The following NDRG2 variants were observed in gnomAD, a reference collection of about 807,000 sequenced individuals.
NDRG2 encodes NDRG family member 2, also known as protein NDRG2.
NDRG2 carries 34 observed loss-of-function variants against 58.2 expected under a neutral mutation model. That is an observed-to-expected ratio of 0.58 (90% CI 0.44 to 0.78). NDRG2 has a LOEUF of 0.78. Ranked by LOEUF, NDRG2 falls within the 30% of genes least tolerant of loss-of-function variation. The pLI is 0.00. For missense variants in NDRG2, 434 were observed against 471.2 expected (o/e 0.92, Z 0.73); for synonymous variants, 187 against 175.9 (o/e 1.06, Z -0.50).
chr14:21,032,686 A>G (rs1884307495), intron 1 of NDRG2: 2 of 348,282 alleles, frequency 5.7e-6, no homozygotes, highest in South Asian at 4.4e-5. Flanking sequence ...CATGGGGCAC[A>G]TGGGACAGAA....
At chr14:21,025,902 G>A (rs1883544359), upstream of NDRG2, 2 of 188,464 alleles carry the variant, frequency 1.1e-5, no homozygotes, top group Non-Finnish European at 2.0e-5. This position sits in a 1 kb window ranked among gnomAD's most constrained non-coding sequence, Gnocchi z 5.1. Context: ...CTGACTCCTG[G>A]GTAAACAGGC....
At position 21,017,446 on chromosome 14, in the gene NDRG2, G is replaced by T; in HGVS notation, c.*150C>A. On this transcript the variant is annotated 3_prime_UTR_variant, in exon 16 of 16. Transcript: ENST00000556147. ...GGGGAATCACGGGTTAAAGGTCAAG[G>T]TTAGGGTAGCAATCAAAGATCAAGG... 2.3e-6 allele frequency: 2 copies of T among 879,466 alleles called. No homozygotes were observed. Among genetic ancestry groups the T allele is most frequent in the East Asian group, 5.3e-5 (2 of 37,442 alleles). The allele number at this position is 879,466 out of a possible 1,614,324, so 54.5% of individuals were successfully genotyped here.
rs775221691 is a variant in NDRG2, at chr14:21,020,571, C to T, written c.480G>A (p.Pro160=). The change falls in exon 8 of 16, where the codon CCG becomes CCA. Residue 160 remains proline (P), a synonymous_variant. Coordinates refer to ENST00000556147, the MANE Select transcript of NDRG2 (RefSeq NM_001320329.2). Reference sequence around the variant, plus strand: ...TGAGGACAAGACCTTCAACAGTGTCCGGGTGGTTAAGCTGAGGGACAGCAG... The same window carrying T: ...TGAGGACAAGACCTTCAACAGTGTCTGGGTGGTTAAGCTGAGGGACAGCAG... The part of the protein sequence containing the change: ...YILARYALNH[P]DTVEGLVLIN... 13 of 1,613,586 alleles carry T rather than the reference C, an allele frequency of 8.1e-6. No individual in the cohort carries two copies. Among genetic ancestry groups the T allele is most frequent in the South Asian group, 3.3e-5 (3 of 90,976 alleles).
chr14:21,034,223 G>A, intron 1 of NDRG2: 3 of 1,614,132 alleles, frequency 1.9e-6, no homozygotes, highest in Non-Finnish European at 1.7e-6. Context: ...GCATCTTGAT[G>A]TCCATGACCA....
intron 1 of NDRG2, among the ~76,000 whole-genome samples, chr14:21,048,704 A>G (rs1052499654): frequency 1.3e-5 from 2 of 151,640 alleles, no homozygotes; most frequent in African/African-American, 4.8e-5. Context: ...GGAAAGTTTG[A>G]ATGGTGTTAG....
chr14:21,058,784 C>G, intron 1 of NDRG2, among the ~76,000 whole-genome samples: 1 of 152,232 alleles, frequency 6.6e-6, no homozygotes, highest in East Asian at 1.9e-4. Flanking sequence ...AGGGGAATCT[C>G]TGCTGTGTTC....
At chr14:21,022,569 AG>A (rs1195083238) in intron 3 of NDRG2, 72 bp from the exon 4 acceptor site, 1 of 1,165,986 alleles carries the variant, frequency 8.6e-7, no homozygotes, top group East Asian at 2.4e-5. Flanking sequence ...CACCAAGGTC[AG>A]GGAGCTGGGA....
At chr14:21,036,842 G>A (rs1171006114) in intron 1 of NDRG2, among the ~76,000 whole-genome samples, 3 of 152,236 alleles carry the variant, frequency 2.0e-5, no homozygotes, top group African/African-American at 7.2e-5. Flanking sequence ...TCAAGCAAGT[G>A]AGGATAGAGC....
At chr14:21,041,780 TG>T (rs1250479830) in intron 1 of NDRG2, among the ~76,000 whole-genome samples, 1 of 152,234 alleles carries the variant, frequency 6.6e-6, no homozygotes, top group Non-Finnish European at 1.5e-5. Flanking sequence ...GGTTGGTACC[TG>T]GAACTGGAGA....
At chr14:21,034,076 G>A in intron 1 of NDRG2, 1 of 1,614,166 alleles carries the variant, frequency 6.2e-7, no homozygotes, top group Non-Finnish European at 8.5e-7. Context: ...TCACATAATG[G>A]ATCTTTGGGC....
chr14:21,017,198 C>T lies in NDRG2; in HGVS notation c.*398G>A, dbSNP rs1271874437. 2 of 363,384 alleles carry T rather than the reference C, an allele frequency of 5.5e-6. No homozygotes were observed. The highest frequency in any genetic ancestry group is 7.2e-5 in the East Asian group (1 of 13,920). The allele number at this position is 363,384 out of a possible 1,614,324, so 22.5% of individuals were successfully genotyped here. On this transcript the variant is annotated 3_prime_UTR_variant, in exon 16 of 16. Coordinates refer to ENST00000556147, the MANE Select transcript of NDRG2 (RefSeq NM_001320329.2). ...GCCACCTCAGCTTTGGTGAATGGAG[C>T]CCCAGCCCCAAATCCCCTCCCCTTG...
chr14:21,052,115 T>G (rs1257497866), intron 1 of NDRG2, among the ~76,000 whole-genome samples: 1 of 152,186 alleles, frequency 6.6e-6, no homozygotes. Flanking sequence ...TAGACATTAT[T>G]CAACTGAAAC....
chr14:21,025,235 G>A, upstream of NDRG2: 4 of 839,918 alleles, frequency 4.8e-6, no homozygotes, highest in Non-Finnish European at 5.7e-6. This position sits in a 1 kb window ranked among gnomAD's most constrained non-coding sequence, Gnocchi z 5.1. Context: ...GCTGGGGCCG[G>A]GGGGCGAGGG....
intron 2 of NDRG2, 79 bp from the exon 3 acceptor site, chr14:21,022,984 AG>A: frequency 6.6e-7 from 1 of 1,516,062 alleles, no homozygotes; most frequent in Non-Finnish European, 9.1e-7. Context: ...AGACAAAGAG[AG>A]GCAAGTAAAG....
chr14:21,021,477 GGA>G (rs764292001), intron 6 of NDRG2: 54 of 331,136 alleles, frequency 1.6e-4, no homozygotes, highest in Middle Eastern at 1.0e-3. Context: ...GAGGGGAGTG[GGA>G]GAGAAAGAGA....
chr14:21,018,674 C>T lies in NDRG2; in HGVS notation c.813+89G>A. The T allele has an allele frequency of 6.9e-6, 11 of 1,597,852 alleles. No individual in the cohort carries two copies. The South Asian group carries it at 7.9e-5, about 11-fold the overall frequency. On this transcript the variant is annotated intron_variant, in intron 12 of 15. Transcript: ENST00000556147. ...CCAAAGTTGATCTCCCTGTGCCAAA[C>T]AGGACATCCCCTTGGCAAGATACTC...
intron 1 of NDRG2, chr14:21,032,201 C>G: frequency 9.9e-7 from 1 of 1,008,154 alleles, no homozygotes; most frequent in South Asian, 1.4e-5. Flanking sequence ...GACAGATGAG[C>G]CTACTAGTGT....
chr14:21,025,769 G>A, upstream of NDRG2: 3 of 893,204 alleles, frequency 3.4e-6, 1 homozygote, highest in African/African-American at 3.6e-5. The surrounding 1 kb of genome is among the most constrained non-coding windows in gnomAD (Gnocchi z 5.1). Flanking sequence ...GGGGAATGCG[G>A]GGGGCCGCTA....
chr14:21,069,350 C>T (rs1886487989), intron 1 of NDRG2, among the ~76,000 whole-genome samples: 1 of 152,214 alleles, frequency 6.6e-6, no homozygotes, highest in South Asian at 2.1e-4. Context: ...CCCATGGCCA[C>T]GAGCCCTAGC....
Sources: gnomAD v4.1 joint callset for allele counts (sites outside exome capture counted in the v4.1 genomes callset) on GRCh38, gnomAD v4.1.1 for gene constraint, Gnocchi (gnomAD v3.1) non-coding constraint, MANE v1.5 for transcripts, NCBI Gene and HGNC (gene_info 2026-07-23, HGNC 2026-07-21) for gene names.